NAV2: variants seen among roughly 807,000 people sequenced by gnomAD.
NAV2 encodes the protein helicase, APC down-regulated 1.
NAV2 carries 54 observed loss-of-function variants against 223.2 expected under a neutral mutation model. The observed-to-expected ratio is 0.24, with a 90% CI of 0.19 to 0.30. The LOEUF is 0.30. NAV2 is among the 10% of genes least tolerant of loss of function. The probability of loss-of-function intolerance (pLI) is 1.00; values close to 1 mark genes in which losing one functional copy is unlikely to be tolerated. For synonymous variants in NAV2, 1,279 were observed against 1,239.3 expected, an observed-to-expected ratio of 1.03 and a Z score of -0.67; for missense variants, 2,806 against 3,147.5, an observed-to-expected ratio of 0.89 and a Z score of 2.60.
At chr11:19,983,971 C>T (rs1054219914) in intron 10 of NAV2, among the ~76,000 whole-genome samples, 154 bp from the exon 11 acceptor site, 1 of 152,148 alleles carries the variant, frequency 6.6e-6, no homozygotes, top group Non-Finnish European at 1.5e-5. Context: ...GCTGAGTTAT[C>T]CTTGGGCTGT....
intron 1 of NAV2, among the ~76,000 whole-genome samples, chr11:19,803,756 A>G (rs929860597): frequency 2.0e-5 from 3 of 152,248 alleles, no homozygotes; most frequent in African/African-American, 7.2e-5. Context: ...TGCTTTTGCA[A>G]TGGAAAAATT....
At position 20,106,155 on chromosome 11, in the gene NAV2, G is replaced by GTGTT. The variant is rs369895690; in HGVS notation, c.6841+429_6841+430insGTTT. On this transcript the variant is annotated intron_variant, in intron 35 of 37. Coordinates refer to ENST00000349880, the MANE Select transcript of NAV2 (RefSeq NM_145117.5). ...TGTCCTTGTTCATATGTGTGTGTGT[G>GTGTT]TATATATATATATATATATATGTGT... Among the ~76,000 whole-genome samples, 5 of 31,498 alleles carry GTGTT rather than the reference G, an allele frequency of 1.6e-4. 1 individual carries two copies. Among genetic ancestry groups the GTGTT allele is most frequent in the African/African-American group, 3.3e-4 (5 of 15,182 alleles). 20.7% of individuals were successfully genotyped at this position (31,498 alleles called of 152,430 possible).
At chr11:20,062,645 T>C (rs1441470680) in intron 20 of NAV2, among the ~76,000 whole-genome samples, 7 of 152,194 alleles carry the variant, frequency 4.6e-5, no homozygotes, top group African/African-American at 1.7e-4. Context: ...ACTTGGAAAA[T>C]AAAGGCCTTG....
chr11:19,840,035 A>G (rs1396810660), intron 2 of NAV2, among the ~76,000 whole-genome samples: 1 of 152,244 alleles, frequency 6.6e-6, no homozygotes, highest in Non-Finnish European at 1.5e-5. Flanking sequence ...AGCTGCTATT[A>G]GCACTCTAAT....
intron 1 of NAV2, among the ~76,000 whole-genome samples, chr11:19,547,187 C>T (rs2044528210): frequency 6.6e-6 from 1 of 152,186 alleles, no homozygotes; most frequent in Admixed American, 6.5e-5. Flanking sequence ...GGCCAGCTCT[C>T]CAGGCGATGG....
At chr11:19,425,889 T>A (rs1850807366) in intron 1 of NAV2, among the ~76,000 whole-genome samples, 1 of 152,226 alleles carries the variant, frequency 6.6e-6, no homozygotes, top group South Asian at 2.1e-4. Flanking sequence ...AAGACCCATA[T>A]ATCTACTAAA....
chr11:19,612,574 T>C (rs755764520), intron 1 of NAV2, among the ~76,000 whole-genome samples: 3 of 152,196 alleles, frequency 2.0e-5, no homozygotes, highest in Non-Finnish European at 4.4e-5. Context: ...CACGAATCTC[T>C]AGGGCAGGGG....
chr11:20,062,516 G>A (rs556100066), intron 20 of NAV2, among the ~76,000 whole-genome samples, 157 bp downstream of exon 20: 1 of 152,264 alleles, frequency 6.6e-6, no homozygotes, highest in South Asian at 2.1e-4. Flanking sequence ...TTCACAAACA[G>A]CTATTAATTA....
At chr11:19,564,410 T>C (rs2045200111) in intron 1 of NAV2, among the ~76,000 whole-genome samples, 1 of 152,204 alleles carries the variant, frequency 6.6e-6, no homozygotes, top group African/African-American at 2.4e-5. Flanking sequence ...ACACTGGCTC[T>C]TCCCTGAAGC....
At position 19,418,936 on chromosome 11, in the gene NAV2, C is replaced by T. The variant is rs529132233; in HGVS notation, c.75+67909C>T. ...GTGATAGCAGGGCATGGATTCCAGACATAGATGACCTGTAGGCTTAGTTAA... is the reference window on the plus strand; with the variant it reads ...GTGATAGCAGGGCATGGATTCCAGATATAGATGACCTGTAGGCTTAGTTAA... On this transcript the variant is annotated intron_variant, in intron 1 of 37. Transcript: ENST00000360655. Among the ~76,000 whole-genome samples the T allele has an allele frequency of 4.6e-4, 70 of 152,152 alleles. No homozygotes were observed. In the South Asian group the frequency reaches 0.014, roughly 31 times the overall value.
At chr11:19,698,848 G>A (rs1394674246) in intron 1 of NAV2, among the ~76,000 whole-genome samples, 2 of 152,204 alleles carry the variant, frequency 1.3e-5, no homozygotes, top group Admixed American at 1.3e-4. Flanking sequence ...GTATGTGTGT[G>A]TGTAGGCGGG....
chr11:20,005,248 T>TA (rs1309448790), intron 11 of NAV2, among the ~76,000 whole-genome samples: 2 of 7,046 alleles, frequency 2.8e-4, no homozygotes, highest in African/African-American at 4.5e-4. Flanking sequence ...CATATATATA[T>TA]ATATATTTTT....
intron 1 of NAV2, among the ~76,000 whole-genome samples, chr11:19,470,892 G>T (rs2041944253): frequency 6.6e-6 from 1 of 152,122 alleles, no homozygotes; most frequent in African/African-American, 2.4e-5. Context: ...TCCTTCTCTT[G>T]TCAGTGTCCC....
At chr11:19,840,199 C>T (rs1180392226) in intron 2 of NAV2, among the ~76,000 whole-genome samples, 4 of 151,990 alleles carry the variant, frequency 2.6e-5, no homozygotes, top group Middle Eastern at 3.2e-3. Context: ...CATCTCTTCC[C>T]GTGTACTCTT....
chr11:19,388,654 T>C (rs1849133639), intron 1 of NAV2, among the ~76,000 whole-genome samples: 1 of 152,208 alleles, frequency 6.6e-6, no homozygotes, highest in African/African-American at 2.4e-5. Flanking sequence ...CCCCGAATGC[T>C]GCTTTCCTAG....
At position 19,679,430 on chromosome 11, in the gene NAV2, C is replaced by CAAAAAAA. The variant is rs56384242; in HGVS notation, c.76-153053_76-153047dup. Among the ~76,000 whole-genome samples the CAAAAAAA allele has an allele frequency of 2.0e-3, 224 of 113,822 alleles. 23 individuals are homozygous for CAAAAAAA. Among genetic ancestry groups the CAAAAAAA allele is most frequent in the South Asian group, 6.0e-3 (20 of 3,318 alleles). The allele number at this position is 113,822 out of a possible 152,430, so 74.7% of individuals were successfully genotyped here. On this transcript the variant is annotated intron_variant, in intron 1 of 37. Coordinates refer to the NAV2 transcript ENST00000360655. ...TGGGCAACAGAACGAGACTCTGTCT[C>CAAAAAAA]AAAAAAACACAAAAAGATTTGGGGG...
At chr11:19,509,594 T>C (rs2043215236) in intron 1 of NAV2, among the ~76,000 whole-genome samples, 1 of 152,230 alleles carries the variant, frequency 6.6e-6, no homozygotes, top group Non-Finnish European at 1.5e-5. Flanking sequence ...TATTGCAAGA[T>C]GCTTTTCCTA....
At chr11:20,038,564 G>A (rs143641059) in intron 12 of NAV2, among the ~76,000 whole-genome samples, 7 of 152,130 alleles carry the variant, frequency 4.6e-5, no homozygotes, top group South Asian at 2.1e-4. Context: ...CTCATATCAC[G>A]CTGAGGAATG....
At chr11:19,471,363 G>A (rs1447663186) in intron 1 of NAV2, among the ~76,000 whole-genome samples, 1 of 152,172 alleles carries the variant, frequency 6.6e-6, no homozygotes, top group African/African-American at 2.4e-5. Flanking sequence ...CTTAGCCAGT[G>A]TCCAGCACAT....
Sources: allele counts gnomAD v4.1 joint callset (sites outside exome capture counted in the v4.1 genomes callset), GRCh38; gene constraint gnomAD v4.1.1; transcripts MANE v1.5; gene names NCBI Gene and HGNC (gene_info 2026-07-23, HGNC 2026-07-21).